FGF14: variants seen among roughly 807,000 people sequenced by gnomAD.
The protein encoded by FGF14 is fibroblast growth factor homologous factor 4.
In FGF14, 5 loss-of-function variants were observed where a neutral mutation model predicts 25.5. The ratio of observed to expected loss-of-function variants is 0.20; its 90% CI spans 0.10 to 0.41. The LOEUF (loss-of-function observed/expected upper bound fraction) is 0.41. Ranked by LOEUF, FGF14 falls within the 10% of genes least tolerant of loss-of-function variation. The pLI is 1.00. For synonymous variants in FGF14, 138 were observed against 118.3 expected (o/e 1.17, Z -1.08); for missense variants, 222 against 320.1 (o/e 0.69, Z 2.34).
chr13:102,167,951 C>T (rs547177592), intron 1 of FGF14, among the ~76,000 whole-genome samples: 2 of 152,182 alleles, frequency 1.3e-5, no homozygotes, highest in South Asian at 2.1e-4. Flanking sequence ...TACACACACA[C>T]ATCTCTAATT....
At chr13:101,910,072 A>T (rs2032738342) in intron 1 of FGF14, among the ~76,000 whole-genome samples, 1 of 151,654 alleles carries the variant, frequency 6.6e-6, no homozygotes, top group East Asian at 1.9e-4. Flanking sequence ...GAAGGGGAAC[A>T]TCACACACGA....
chr13:102,165,334 T>C (rs2047952872), intron 1 of FGF14, among the ~76,000 whole-genome samples: 1 of 152,078 alleles, frequency 6.6e-6, no homozygotes, highest in Admixed American at 6.6e-5. Context: ...CAAAGGATTA[T>C]AAATCATGCT....
intron 1 of FGF14, among the ~76,000 whole-genome samples, chr13:102,123,929 G>C (rs540315000): frequency 1.2e-4 from 19 of 152,276 alleles, no homozygotes; most frequent in African/African-American, 4.3e-4. Context: ...CCATGCTTAA[G>C]ATCATTCAGC....
chr13:101,853,554 A>G (rs900878213), intron 3 of FGF14, among the ~76,000 whole-genome samples: 1 of 151,856 alleles, frequency 6.6e-6, no homozygotes, highest in South Asian at 2.1e-4. Flanking sequence ...CTGTGCTCCT[A>G]TGATCCTCCT....
intron 1 of FGF14, among the ~76,000 whole-genome samples, chr13:102,075,055 G>T (rs2043303867): frequency 6.6e-6 from 1 of 152,132 alleles, no homozygotes; most frequent in East Asian, 1.9e-4. Context: ...ATTCAACAAA[G>T]TACTGGAAGT....
intron 1 of FGF14, among the ~76,000 whole-genome samples, chr13:101,906,435 C>G (rs975193791): frequency 4.7e-4 from 72 of 152,200 alleles, no homozygotes; most frequent in African/African-American, 1.7e-3. Context: ...GAATTATTTA[C>G]AGAAATTCAA....
At chr13:101,740,088 A>G (rs919588620) in intron 3 of FGF14, among the ~76,000 whole-genome samples, 7 of 152,198 alleles carry the variant, frequency 4.6e-5, no homozygotes, top group Admixed American at 3.3e-4. Context: ...ATCAATCACA[A>G]CCCTTTCAGG....
At chr13:101,747,301 C>A (rs961599697) in intron 3 of FGF14, among the ~76,000 whole-genome samples, 2 of 152,002 alleles carry the variant, frequency 1.3e-5, no homozygotes, top group Admixed American at 6.6e-5. Flanking sequence ...TACCCATTAA[C>A]TAGCAAGCTC....
chr13:102,010,894 G>A (rs919945264), intron 1 of FGF14, among the ~76,000 whole-genome samples: 4 of 152,292 alleles, frequency 2.6e-5, no homozygotes, highest in South Asian at 4.1e-4. Flanking sequence ...ATGAGAGAAC[G>A]TGGAGAAACT....
chr13:102,083,802 T>C (rs1023179505), intron 1 of FGF14, among the ~76,000 whole-genome samples: 2 of 152,212 alleles, frequency 1.3e-5, no homozygotes, highest in Non-Finnish European at 2.9e-5. Flanking sequence ...CAGTCACTCA[T>C]TGACTCAGAA....
intron 3 of FGF14, among the ~76,000 whole-genome samples, chr13:101,803,847 A>G (rs1054542152): frequency 6.6e-6 from 1 of 152,210 alleles, no homozygotes; most frequent in Non-Finnish European, 1.5e-5. Context: ...TTTCAGATGC[A>G]TGTGAGACAT....
At chr13:101,860,670 G>C (rs2044369736) in intron 3 of FGF14, among the ~76,000 whole-genome samples, 1 of 151,930 alleles carries the variant, frequency 6.6e-6, no homozygotes, top group Non-Finnish European at 1.5e-5. Flanking sequence ...TGGAACTCCT[G>C]GGCTCAAGTT....
chr13:101,927,320 G>A (rs1259770544), intron 1 of FGF14, among the ~76,000 whole-genome samples: 1 of 152,196 alleles, frequency 6.6e-6, no homozygotes. Flanking sequence ...CCGACAGGGA[G>A]GGATAAACTG....
chr13:101,849,906 A>T (rs2043662103), intron 3 of FGF14, among the ~76,000 whole-genome samples: 1 of 152,088 alleles, frequency 6.6e-6, no homozygotes, highest in Admixed American at 6.6e-5. Context: ...CATGAAAGGA[A>T]GATGTGGGAC....
chr13:101,999,500 G>A (rs1255775553), intron 1 of FGF14, among the ~76,000 whole-genome samples: 1 of 152,156 alleles, frequency 6.6e-6, no homozygotes, highest in African/African-American at 2.4e-5. Flanking sequence ...CCTGGAGATA[G>A]GGGTGAAAGG....
chr13:102,255,589 A>G (rs527400633), intron 1 of FGF14, among the ~76,000 whole-genome samples: 2 of 152,316 alleles, frequency 1.3e-5, no homozygotes, highest in Non-Finnish European at 2.9e-5. Flanking sequence ...TGGAAGATTT[A>G]CCCTTGCTTA....
chr13:101,983,863 T>A (rs72662480), intron 1 of FGF14, among the ~76,000 whole-genome samples: 11 of 152,262 alleles, frequency 7.2e-5, no homozygotes, highest in African/African-American at 2.6e-4. Context: ...CATATAGAAC[T>A]GCCTTACTAG....
At chr13:101,822,398 A>G (rs954584341) in intron 3 of FGF14, among the ~76,000 whole-genome samples, 1 of 152,094 alleles carries the variant, frequency 6.6e-6, no homozygotes, top group African/African-American at 2.4e-5. Context: ...GGCTCTTAGT[A>G]AATCTTGAGA....
chr13:102,070,954 AAAACAC>A (rs2043129682), intron 1 of FGF14, among the ~76,000 whole-genome samples: 1 of 96,132 alleles, frequency 1.0e-5, no homozygotes. Context: ...AAAACAAAAC[AAAACAC>A]ACACACACAC....
Sources: gnomAD v4.1 joint callset for allele counts (sites outside exome capture counted in the v4.1 genomes callset) on GRCh38, gnomAD v4.1.1 for gene constraint, MANE v1.5 for transcripts, NCBI Gene and HGNC (gene_info 2026-07-23, HGNC 2026-07-21) for gene names.